Variants in TEX14 observed in about 807,000 individuals in gnomAD.
TEX14 encodes testis expressed 14, intercellular bridge forming factor, also known as inactive serine/threonine-protein kinase TEX14.
A neutral mutation model predicts 178.6 loss-of-function variants in TEX14; 168 were observed. That is an observed-to-expected ratio of 0.94 (90% CI 0.83 to 1.07). TEX14 has a LOEUF of 1.07. Among genes scored for constraint, TEX14 ranks in the 50% least tolerant of loss-of-function variants. The probability of loss-of-function intolerance (pLI) is 0.00; values close to 1 mark genes in which losing one functional copy is unlikely to be tolerated. For missense variants in TEX14, 1,730 were observed against 1,753.6 expected (o/e 0.99, Z 0.24); for synonymous variants, 626 against 634.1 (o/e 0.99, Z 0.19).
At chr17:58,626,132 C>A (rs904987483) in intron 3 of TEX14, among the ~76,000 whole-genome samples, 1 of 152,072 alleles carries the variant, frequency 6.6e-6, no homozygotes, top group East Asian at 1.9e-4. Context: ...CCCTTTCCTG[C>A]CCCCCTTTCC....
At chr17:58,565,323 G>A (rs2044374500) in intron 27 of TEX14, among the ~76,000 whole-genome samples, 1 of 152,170 alleles carries the variant, frequency 6.6e-6, no homozygotes, top group African/African-American at 2.4e-5. Context: ...GGACCATCTT[G>A]TTCTCACTTG....
intron 26 of TEX14, among the ~76,000 whole-genome samples, chr17:58,566,573 G>C (rs1031897437): frequency 1.3e-5 from 2 of 150,940 alleles, no homozygotes; most frequent in Admixed American, 6.6e-5. Flanking sequence ...CCGAGGCAGG[G>C]GGATCACTTG....
chr17:58,610,152 A>T (rs533965526), intron 10 of TEX14, among the ~76,000 whole-genome samples: 1 of 152,324 alleles, frequency 6.6e-6, no homozygotes, highest in South Asian at 2.1e-4. Flanking sequence ...CCCACTTACC[A>T]ACTCCTGAAT....
At chr17:58,593,758 A>G (rs2045213741) in intron 14 of TEX14, 97 bp from the exon 15 acceptor site, 1 of 980,164 alleles carries the variant, frequency 1.0e-6, no homozygotes, top group Non-Finnish European at 1.6e-6. Flanking sequence ...CTAAATGTAT[A>G]GAAATAACCA....
At position 58,668,903 on chromosome 17, in the gene TEX14, C is replaced by T. The variant is rs150334893; in HGVS notation, c.-1-16901G>A. On this transcript the variant is annotated intron_variant, in intron 1 of 31. Transcript: ENST00000349033. Reference sequence around the variant, plus strand: ...AGTTTGAGAAGCTGTAGGGTGGAGACATTCTGGCAAGTGAGTGTCATTTGT... The same window carrying T: ...AGTTTGAGAAGCTGTAGGGTGGAGATATTCTGGCAAGTGAGTGTCATTTGT... Among the ~76,000 whole-genome samples the T allele has an allele frequency of 5.7e-3, 865 of 152,166 alleles. 5 individuals carry two copies. The highest frequency in any genetic ancestry group is 9.2e-3 in the African/African-American group (380 of 41,504).
chr17:58,659,440 C>T (rs380280), intron 1 of TEX14: 2 of 428,344 alleles, frequency 4.7e-6, no homozygotes, highest in East Asian at 3.1e-4. Context: ...CAGACTACAC[C>T]TTCTTTGGTA....
Position 58,557,800 on chromosome 17 carries a change from T to C in TEX14, c.4318A>G (p.Arg1440Gly). The change falls in exon 31 of 32, where the codon AGG becomes GGG. Residue 1440 changes from arginine to glycine, a missense_variant and splice_region_variant. Physicochemically the swap from Arg to Gly is moderately radical, Grantham distance 125. Around this residue, in one of 2 missense-constraint regions of TEX14, gnomAD observed 941 missense variants for 1,072.4 expected, o/e 0.88. Transcript: ENST00000349033. Reference sequence around the variant, plus strand: ...TACAAACATCTGATATTTCATTACCTGGATGATTCGGACCAACCTAGTCGC... The same window carrying C: ...TACAAACATCTGATATTTCATTACCCGGATGATTCGGACCAACCTAGTCGC... ...WKRLGWSESSRIIVLDQSDLS... is the reference protein window; with the variant it reads ...WKRLGWSESSGIIVLDQSDLS... The C allele has an allele frequency of 6.2e-7, 1 of 1,610,492 alleles. No individual in the cohort carries two copies. The highest frequency in any genetic ancestry group is 8.5e-7 in the Non-Finnish European group (1 of 1,177,748).
intron 9 of TEX14, among the ~76,000 whole-genome samples, chr17:58,612,025 G>A (rs1167496571): frequency 6.6e-6 from 1 of 152,086 alleles, no homozygotes; most frequent in Non-Finnish European, 1.5e-5. Flanking sequence ...AAGTCATGGA[G>A]GAAAAAAACC....
intron 1 of TEX14, among the ~76,000 whole-genome samples, chr17:58,676,110 T>G (rs2047390101): frequency 6.6e-6 from 1 of 152,134 alleles, no homozygotes; most frequent in Non-Finnish European, 1.5e-5. Context: ...GTGCAGTTGC[T>G]CACGCCTGTG....
rs778402253 is a variant in TEX14, at chr17:58,611,240, G to A, written c.1105C>T (p.Arg369Cys). Residue 369 changes from arginine (R) to cysteine (C), a missense_variant, in exon 10 of 32, where the codon CGC (arginine) becomes TGC (cysteine). By Grantham distance (180) the Arg-to-Cys change is radical. Transcript: ENST00000349033. ...RYLHFQGFIH[R>C]SLSSYAVHII... ...TGGACAGCATAGGAGCTGAGGGAGC[G>A]GTGGATAAACCCCTGGAAATGCAGG... is the stretch of plus-strand genomic sequence containing the variant. 1.1e-5 allele frequency: 18 copies of A among 1,613,622 alleles called. No homozygotes were observed. Among genetic ancestry groups the A allele is most frequent in the African/African-American group, 2.7e-5 (2 of 74,886 alleles).
At chr17:58,661,379 G>C (rs757293651) in intron 1 of TEX14, 1 of 921,592 alleles carries the variant, frequency 1.1e-6, no homozygotes, top group Non-Finnish European at 1.8e-6. Context: ...GTCGGTGGAA[G>C]TAATCTCCTC....
intron 28 of TEX14, among the ~76,000 whole-genome samples, chr17:58,563,072 CA>C (rs5821239): frequency 0.83 from 121,011 of 145,530 alleles, 50,255 homozygotes; most frequent in East Asian, 1. Flanking sequence ...GACTCTGTCT[CA>C]AAAAAAAAAA....
chr17:58,642,536 A>T (rs58885966), intron 2 of TEX14, among the ~76,000 whole-genome samples: 4,986 of 145,576 alleles, frequency 0.034, 226 homozygotes, highest in African/African-American at 0.11. Flanking sequence ...TATTTTATTT[A>T]TTTTTTTTTT....
intron 2 of TEX14, among the ~76,000 whole-genome samples, chr17:58,637,984 C>A (rs1431793039): frequency 6.6e-6 from 1 of 151,734 alleles, no homozygotes; most frequent in Non-Finnish European, 1.5e-5. Flanking sequence ...GCCTCAGCCT[C>A]CTGAGTGGCT....
chr17:58,635,783 G>A (rs2046422396), intron 2 of TEX14, among the ~76,000 whole-genome samples: 1 of 151,838 alleles, frequency 6.6e-6, no homozygotes, highest in Admixed American at 6.6e-5. Flanking sequence ...CTAGGCTGGA[G>A]TGCAGTGGTG....
At chr17:58,631,843 C>A (rs554296949) in intron 2 of TEX14, 2 of 152,142 alleles carry the variant, frequency 1.3e-5, no homozygotes, top group Non-Finnish European at 2.9e-5. Flanking sequence ...TCTTAATGTC[C>A]ATTTATGTGC....
At chr17:58,585,750 G>T (rs370651842) in intron 18 of TEX14, 51 bp downstream of exon 18, 1 of 1,533,172 alleles carries the variant, frequency 6.5e-7, no homozygotes, top group South Asian at 1.1e-5. Context: ...CACCTCGCCC[G>T]ACTGATACTT....
intron 1 of TEX14, among the ~76,000 whole-genome samples, chr17:58,674,160 C>T (rs1208738319): frequency 1.3e-5 from 2 of 151,934 alleles, no homozygotes; most frequent in Non-Finnish European, 2.9e-5. Context: ...CCTATAATCC[C>T]AGCTACTCGG....
intron 1 of TEX14, among the ~76,000 whole-genome samples, chr17:58,674,074 G>A (rs952393389): frequency 6.6e-6 from 1 of 151,996 alleles, no homozygotes. Flanking sequence ...AGGAGTTCAA[G>A]ACCAGTCTGG....
Sources: gnomAD v4.1 joint callset for allele counts (sites outside exome capture counted in the v4.1 genomes callset) on GRCh38, gnomAD v4.1.1 for gene constraint, gnomAD v4.1.1 regional missense constraint, MANE v1.5 for transcripts, NCBI Gene and HGNC (gene_info 2026-07-23, HGNC 2026-07-21) for gene names.